ARHGAP20: variants seen among roughly 807,000 people sequenced by gnomAD.
The protein encoded by ARHGAP20 is rho GTPase-activating protein 20.
A neutral mutation model predicts 73.7 loss-of-function variants in ARHGAP20; 34 were observed. That is an observed-to-expected ratio of 0.46 (90% CI 0.35 to 0.61). ARHGAP20 has a LOEUF of 0.61. ARHGAP20 is among the 20% of genes least tolerant of loss of function. ARHGAP20 has a pLI of 0.00. For missense variants in ARHGAP20, 1,314 were observed against 1,420.9 expected, an observed-to-expected ratio of 0.92 and a Z score of 1.21; for synonymous variants, 523 against 518.2, an observed-to-expected ratio of 1.01 and a Z score of -0.13.
At chr11:110,712,527 AGCCCTCCTCAGCCCTCCTCCAGCCTGG>A (rs1565491930), upstream of ARHGAP20, 1 of 152,122 alleles carries the variant, frequency 6.6e-6, no homozygotes, top group Non-Finnish European at 1.5e-5. Context: ...CCGCCCCCGC[AGCCCTCCTCAGCCCTCCTCCAGCCTGG>A]GCCCTCCTAG....
At chr11:110,660,045 AAAGTAT>A (rs1341235555) in intron 2 of ARHGAP20, among the ~76,000 whole-genome samples, 4 of 148,906 alleles carry the variant, frequency 2.7e-5, no homozygotes, top group Non-Finnish European at 4.4e-5. Context: ...CCTAAAACTT[AAAGTAT>A]AATAAAAAAC....
chr11:110,642,192 C>A (rs368580954), intron 2 of ARHGAP20, among the ~76,000 whole-genome samples: 2 of 152,034 alleles, frequency 1.3e-5, no homozygotes, highest in Non-Finnish European at 2.9e-5. Context: ...AGCCTTTTGG[C>A]GAGTCTTTAG....
At chr11:110,606,517 A>C in intron 9 of ARHGAP20, 44 bp downstream of exon 9, 1 of 1,577,866 alleles carries the variant, frequency 6.3e-7, no homozygotes, top group African/African-American at 1.4e-5. Flanking sequence ...CCTTTGTACT[A>C]AATTTATGTT....
intron 9 of ARHGAP20, among the ~76,000 whole-genome samples, chr11:110,594,911 C>A (rs1341130075): frequency 7.3e-5 from 11 of 151,658 alleles, no homozygotes; most frequent in Non-Finnish European, 1.6e-4. Context: ...ACTGGCAAAC[C>A]GAATCCAGCA....
intron 4 of ARHGAP20, among the ~76,000 whole-genome samples, chr11:110,617,982 A>T (rs1948521938): frequency 6.6e-6 from 1 of 152,166 alleles, no homozygotes; most frequent in African/African-American, 2.4e-5. Flanking sequence ...CACTCAGTTA[A>T]GGTGCCCTAA....
chr11:110,656,836 T>C (rs1949478582), intron 2 of ARHGAP20, among the ~76,000 whole-genome samples: 1 of 152,238 alleles, frequency 6.6e-6, no homozygotes, highest in African/African-American at 2.4e-5. Context: ...AACTCTGTGT[T>C]CTGGGGATCC....
chr11:110,657,172 G>A (rs1221807640), intron 2 of ARHGAP20, among the ~76,000 whole-genome samples: 3 of 152,114 alleles, frequency 2.0e-5, no homozygotes, highest in Non-Finnish European at 4.4e-5. Context: ...GCAGTTTTTA[G>A]CCATTTAATA....
At chr11:110,690,922 T>C in intron 1 of ARHGAP20, 1 of 1,322,928 alleles carries the variant, frequency 7.6e-7, no homozygotes, top group Non-Finnish European at 1.0e-6. Context: ...TAACCATTAT[T>C]ACTGGTTATC....
intron 9 of ARHGAP20, among the ~76,000 whole-genome samples, chr11:110,596,825 T>C (rs187826017): frequency 0.016 from 2,506 of 152,258 alleles, 28 homozygotes; most frequent in South Asian, 0.026. Flanking sequence ...CATGCTGCTA[T>C]AAAGACACAT....
Position 110,608,935 on chromosome 11 carries a change from T to G in ARHGAP20, c.775+49A>C, listed in dbSNP as rs1259204838. 7 of 1,499,432 alleles carry G rather than the reference T, an allele frequency of 4.7e-6. No individual in the cohort carries two copies. In the African/African-American group the frequency reaches 5.6e-5, roughly 12 times the overall value. 92.9% of individuals were successfully genotyped at this position (1,499,432 alleles called of 1,614,324 possible). ...ACCAATTCTCGGAGACACTTAGAAT[T>G]ATAATTAAAACACAATCAATGCTAT... On this transcript the variant is annotated intron_variant, in intron 8 of 14. Transcript: ENST00000683387.
rs145056310 is a variant in ARHGAP20 at position 110,611,337 on chromosome 11, T to C, written c.680A>G (p.Asn227Ser). ...MNSDTANEVI[N>S]MSLPMLGITG... ...TATCCCTAGCATTGGTAATGACATG[T>C]TGATAACTTCATTCGCTGTATCTGA... The change falls in exon 7 of 15, where the codon AAC becomes AGC. Residue 227 changes from asparagine to serine, a missense_variant. By Grantham distance (46) the Asn-to-Ser change is conservative. Transcript: ENST00000683387. 1,156 of 1,572,284 alleles carry C rather than the reference T, an allele frequency of 7.4e-4. 8 individuals carry two copies. In the African/African-American group the frequency reaches 0.014, roughly 19 times the overall value.
chr11:110,691,062 G>C, intron 1 of ARHGAP20: 2 of 1,413,572 alleles, frequency 1.4e-6, no homozygotes, highest in Non-Finnish European at 1.9e-6. Flanking sequence ...ACAAGTAAAG[G>C]AGAGGAAAAA....
rs1947356492 is a variant in ARHGAP20 at position 110,578,902 on chromosome 11, CACTT to C, written c.*464_*467del. 4.1e-6 allele frequency: 4 copies of C among 986,984 alleles called. No homozygotes were observed. The highest frequency in any genetic ancestry group is 4.8e-6 in the Non-Finnish European group (4 of 830,920). 61.1% of individuals were successfully genotyped at this position (986,984 alleles called of 1,614,324 possible). A position where few individuals can be genotyped will look rare whatever the true frequency, so the allele number is the denominator to read the frequency against. On this transcript the variant is annotated 3_prime_UTR_variant, in exon 15 of 15. Coordinates refer to ENST00000683387, the MANE Select transcript of ARHGAP20 (RefSeq NM_001384657.1). ...ATATGATGTTCTTCATTACTGGACA[CACTT>C]AATGCTTTGATTAGTGGCATTTTTC...
At position 110,606,460 on chromosome 11, in the gene ARHGAP20, A is replaced by G. The variant is rs892752915; in HGVS notation, c.964+101T>C. Reference sequence around the variant, plus strand: ...ATCTTTCCTTTTCAAAATACTTAGCAAATTCCAAGAAAAAATACCTCATCT... The same window carrying G: ...ATCTTTCCTTTTCAAAATACTTAGCGAATTCCAAGAAAAAATACCTCATCT... On this transcript the variant is annotated intron_variant, in intron 9 of 14. Coordinates refer to ENST00000683387, the MANE Select transcript of ARHGAP20 (RefSeq NM_001384657.1). 7 of 1,284,134 alleles carry G rather than the reference A, an allele frequency of 5.5e-6. No homozygotes were observed. In the African/African-American group the frequency reaches 9.1e-5, roughly 17 times the overall value. The allele number at this position is 1,284,134 out of a possible 1,614,324, so 79.5% of individuals were successfully genotyped here.
intron 2 of ARHGAP20, among the ~76,000 whole-genome samples, chr11:110,662,132 G>A (rs772704147): frequency 1.1e-4 from 17 of 151,478 alleles, no homozygotes; most frequent in Admixed American, 3.9e-4. Flanking sequence ...TTTTGTTTAC[G>A]TAAGAAATAT....
intron 2 of ARHGAP20, among the ~76,000 whole-genome samples, chr11:110,666,737 TTAC>T (rs1949731392): frequency 1.3e-5 from 2 of 152,266 alleles, no homozygotes; most frequent in South Asian, 4.1e-4. Context: ...TTCATTATTA[TTAC>T]TATTTTATCT....
At chr11:110,705,776 T>A (rs1950542614) in intron 1 of ARHGAP20, among the ~76,000 whole-genome samples, 1 of 152,132 alleles carries the variant, frequency 6.6e-6, no homozygotes, top group African/African-American at 2.4e-5. Context: ...TCCAGTGGAA[T>A]CATCTGAGGC....
intron 2 of ARHGAP20, among the ~76,000 whole-genome samples, chr11:110,635,286 T>C (rs541558539): frequency 6.6e-6 from 1 of 152,206 alleles, no homozygotes; most frequent in East Asian, 1.9e-4. Flanking sequence ...GGAACATGTT[T>C]TAAAAATGCA....
chr11:110,619,682 A>G (rs1157176534), intron 4 of ARHGAP20, among the ~76,000 whole-genome samples: 1 of 102,216 alleles, frequency 9.8e-6, no homozygotes, highest in African/African-American at 3.3e-5. Context: ...GCAGTGATAG[A>G]GTATATGTAG....
Sources: gnomAD v4.1 joint callset for allele counts (sites outside exome capture counted in the v4.1 genomes callset) on GRCh38, gnomAD v4.1.1 for gene constraint, MANE v1.5 for transcripts, NCBI Gene and HGNC (gene_info 2026-07-23, HGNC 2026-07-21) for gene names.